DIP2C: variants seen among roughly 807,000 people sequenced by gnomAD.
DIP2C encodes the protein disco-interacting protein 2 homolog C.
A neutral mutation model predicts 192.4 loss-of-function variants in DIP2C; 33 were observed. The observed-to-expected ratio is 0.17, with a 90% confidence interval of 0.13 to 0.23. The LOEUF is 0.23. Among genes scored for constraint, DIP2C ranks in the 10% least tolerant of loss-of-function variants. The probability of loss-of-function intolerance (pLI) is 1.00; values close to 1 mark genes in which losing one functional copy is unlikely to be tolerated. For synonymous variants in DIP2C, 979 were observed against 864.1 expected, an observed-to-expected ratio of 1.13 and a Z score of -2.33; for missense variants, 1,537 against 2,110.1, an observed-to-expected ratio of 0.73 and a Z score of 5.32.
chr10:294,519 G>A (rs992796316), intron 32 of DIP2C, among the ~76,000 whole-genome samples: 2 of 151,684 alleles, frequency 1.3e-5, no homozygotes, highest in Non-Finnish European at 2.9e-5. Context: ...AACTGAGTTT[G>A]TGAGGCAGAG....
At chr10:637,015 G>C (rs574890969) in intron 1 of DIP2C, among the ~76,000 whole-genome samples, 1 of 152,256 alleles carries the variant, frequency 6.6e-6, no homozygotes, top group Non-Finnish European at 1.5e-5. Flanking sequence ...TGGAGGGGCC[G>C]CGGGCAGCCG....
intron 1 of DIP2C, among the ~76,000 whole-genome samples, chr10:676,345 T>C (rs1830876067): frequency 6.6e-6 from 1 of 152,060 alleles, no homozygotes; most frequent in Admixed American, 6.5e-5. Flanking sequence ...CTCTGAGATC[T>C]GTAGCAAGAC....
chr10:520,956 A>G (rs1363249995), intron 1 of DIP2C, among the ~76,000 whole-genome samples: 1 of 152,254 alleles, frequency 6.6e-6, no homozygotes, highest in Non-Finnish European at 1.5e-5. Context: ...TTTTAAATTC[A>G]GTGAATTCAG....
intron 2 of DIP2C, among the ~76,000 whole-genome samples, chr10:484,198 G>GA (rs1377972757): frequency 3.3e-5 from 5 of 152,200 alleles, no homozygotes; most frequent in Admixed American, 3.3e-4. Flanking sequence ...CATTCTGGTG[G>GA]AAAATGCACT....
chr10:378,563 A>C (rs1045717416), intron 17 of DIP2C, among the ~76,000 whole-genome samples: 23 of 148,790 alleles, frequency 1.5e-4, no homozygotes, highest in African/African-American at 4.5e-4. Context: ...ACACGTGAAC[A>C]CAAACATGCA....
chr10:406,804 A>T (rs1964837973), intron 9 of DIP2C, among the ~76,000 whole-genome samples: 1 of 152,062 alleles, frequency 6.6e-6, no homozygotes, highest in African/African-American at 2.4e-5. Flanking sequence ...GCTCCTGGGG[A>T]TAACATCACT....
At chr10:509,225 T>G (rs527514178) in intron 1 of DIP2C, among the ~76,000 whole-genome samples, 28 of 152,212 alleles carry the variant, frequency 1.8e-4, no homozygotes, top group Admixed American at 1.5e-3. Context: ...GGGAGGGGCA[T>G]AGAGGAGACT....
At chr10:353,884 G>A (rs1338526948) in intron 24 of DIP2C, among the ~76,000 whole-genome samples, 2 of 152,208 alleles carry the variant, frequency 1.3e-5, no homozygotes, top group Non-Finnish European at 2.9e-5. Flanking sequence ...TTTAGAAAAT[G>A]CATGATTCTG....
chr10:592,432 A>C (rs1398451853), intron 1 of DIP2C, among the ~76,000 whole-genome samples: 1 of 152,246 alleles, frequency 6.6e-6, no homozygotes, highest in Non-Finnish European at 1.5e-5. Flanking sequence ...ATCGATACGA[A>C]AACAGATGAA....
intron 1 of DIP2C, among the ~76,000 whole-genome samples, chr10:513,243 AAAAG>A (rs1401153039): frequency 2.0e-5 from 3 of 152,246 alleles, no homozygotes; most frequent in Admixed American, 6.5e-5. Context: ...CGCTTTAGAC[AAAAG>A]AAATAAACAT....
chr10:580,396 G>A (rs983319505), intron 1 of DIP2C, among the ~76,000 whole-genome samples: 10 of 152,254 alleles, frequency 6.6e-5, no homozygotes, highest in Admixed American at 3.3e-4. Flanking sequence ...ACACAAATGT[G>A]CAAATACCCA....
At chr10:688,983 T>C (rs1831436854) in intron 1 of DIP2C, among the ~76,000 whole-genome samples, 1 of 152,096 alleles carries the variant, frequency 6.6e-6, no homozygotes, top group Admixed American at 6.5e-5. Flanking sequence ...CGCATTGAAA[T>C]CTGGCCGGGC....
In DIP2C at chr10:479,001, C is replaced by T. The variant is rs372996515; in HGVS notation, c.158-6452G>A. 7.9e-5 allele frequency among the ~76,000 whole-genome samples: 12 copies of T among 152,294 alleles called. No homozygotes were observed. The East Asian group carries it at 1.4e-3, about 17-fold the overall frequency. On this transcript the variant is annotated intron_variant, in intron 2 of 36. Coordinates refer to ENST00000280886, the MANE Select transcript of DIP2C (RefSeq NM_014974.3). ...GCTCTGGGCTCCACAGAGGCCTCCA[C>T]AGGAGTGTCCTGCAGGAGAAGCCTG...
chr10:512,960 T>C (rs1459465028), intron 1 of DIP2C, among the ~76,000 whole-genome samples: 1 of 151,238 alleles, frequency 6.6e-6, no homozygotes, highest in African/African-American at 2.4e-5. Context: ...CTAATGTTTT[T>C]CATTTAAGGG....
intron 1 of DIP2C, among the ~76,000 whole-genome samples, chr10:564,824 C>A (rs1038160045): frequency 6.6e-6 from 1 of 152,166 alleles, no homozygotes; most frequent in Non-Finnish European, 1.5e-5. Context: ...ACACATAACA[C>A]GTGAGCAGAA....
intron 2 of DIP2C, among the ~76,000 whole-genome samples, chr10:480,875 G>C (rs1165515423): frequency 6.6e-6 from 1 of 152,170 alleles, no homozygotes; most frequent in Non-Finnish European, 1.5e-5. Flanking sequence ...CAGCAACGCG[G>C]TCTAGAAAGA....
intron 32 of DIP2C, among the ~76,000 whole-genome samples, chr10:303,520 A>T (rs1235241811): frequency 6.6e-6 from 1 of 150,784 alleles, no homozygotes; most frequent in African/African-American, 2.5e-5. Flanking sequence ...AAAGTTTTTT[A>T]CTTTTTTTTT....
At chr10:632,701 C>T (rs1330062350) in intron 1 of DIP2C, among the ~76,000 whole-genome samples, 9 of 32,356 alleles carry the variant, frequency 2.8e-4, no homozygotes, top group Non-Finnish European at 2.8e-4. Flanking sequence ...CTGGAGACCA[C>T]GCGGGCACCG....
chr10:375,416 G>A (rs10751933), intron 17 of DIP2C, among the ~76,000 whole-genome samples: 49,414 of 152,066 alleles, frequency 0.32, 9,422 homozygotes, highest in Non-Finnish European at 0.44. Flanking sequence ...ACAGAACTGT[G>A]AGCCAAAATA....
Sources: allele counts gnomAD v4.1 joint callset (sites outside exome capture counted in the v4.1 genomes callset), GRCh38; gene constraint gnomAD v4.1.1; transcripts MANE v1.5; gene names NCBI Gene and HGNC (gene_info 2026-07-23, HGNC 2026-07-21).